Variants in EXOC2 observed in about 807,000 individuals in gnomAD.
The protein encoded by EXOC2 is SEC5-like 1.
A neutral mutation model predicts 131.8 loss-of-function variants in EXOC2; 70 were observed. That is an observed-to-expected ratio of 0.53 (90% CI 0.44 to 0.65). The LOEUF is 0.65. EXOC2 is among the 30% of genes least tolerant of loss of function. The pLI, the probability that EXOC2 is intolerant of heterozygous loss-of-function variation, is 0.00. For missense variants in EXOC2, 923 were observed against 1,108.6 expected (o/e 0.83, Z 2.38); for synonymous variants, 411 against 398.4 (o/e 1.03, Z -0.38).
At chr6:614,982 G>A (rs978012246) in intron 6 of EXOC2, among the ~76,000 whole-genome samples, 19 of 151,890 alleles carry the variant, frequency 1.3e-4, no homozygotes, top group African/African-American at 4.4e-4. Flanking sequence ...AGATATCTCT[G>A]AAGAATCAAT....
intron 27 of EXOC2, 109 bp downstream of exon 27, chr6:488,870 G>A (rs750041032): frequency 4.3e-6 from 5 of 1,164,730 alleles, no homozygotes; most frequent in Non-Finnish European, 4.9e-6. Flanking sequence ...TTCTTATTTG[G>A]ATTCTGCTCT....
rs376478882 is a variant in EXOC2, at chr6:549,169, G to A, written c.2238+6C>T. ...CGACTTGTGCGTTTTACATGAACTC[G>A]CTTACCTGTGTGATTTTTTCTATTC... On this transcript the variant is annotated splice_donor_region_variant and intron_variant, in intron 22 of 27. Transcript: ENST00000230449. The A allele has an allele frequency of 7.5e-6, 12 of 1,608,376 alleles. No individual in the cohort carries two copies. In the African/African-American group the frequency reaches 1.1e-4, roughly 14 times the overall value.
In EXOC2 at chr6:579,156, G is replaced by A. The variant is rs187006125; in HGVS notation, c.1193-2274C>T. On this transcript the variant is annotated intron_variant, in intron 11 of 27. Coordinates refer to ENST00000230449, the MANE Select transcript of EXOC2 (RefSeq NM_018303.6). ...ACACTTCCTAGTTTCCTGAAAATAC[G>A]CATATACCATTCCTGCAAAAATACA... Among the ~76,000 whole-genome samples the A allele has an allele frequency of 2.3e-4, 35 of 152,078 alleles. 1 individual carries two copies. The highest frequency in any genetic ancestry group is 4.3e-4 in the Non-Finnish European group (29 of 67,978).
Position 636,367 on chromosome 6 carries a change from C to A in EXOC2, c.118+1334G>T, listed in dbSNP as rs1444766925. Among the ~76,000 whole-genome samples the A allele has an allele frequency of 2.6e-5, 4 of 152,298 alleles. No individual in the cohort carries two copies. In the Middle Eastern group the frequency reaches 0.01, roughly 389 times the overall value. On this transcript the variant is annotated intron_variant, in intron 2 of 27. Coordinates refer to ENST00000230449, the MANE Select transcript of EXOC2 (RefSeq NM_018303.6). Reference sequence around the variant, plus strand: ...ATTGAAGTGATGTTTACTAAACAATCAAAAACTACCCAGGTTTTCTCCCGA... The same window carrying A: ...ATTGAAGTGATGTTTACTAAACAATAAAAAACTACCCAGGTTTTCTCCCGA...
At chr6:499,745 C>T (rs955924661) in intron 23 of EXOC2, 45 bp from the exon 24 acceptor site, 2 of 1,518,588 alleles carry the variant, frequency 1.3e-6, no homozygotes, top group Admixed American at 3.3e-5. Flanking sequence ...AATAATAACA[C>T]AAGCTCCCCT....
intron 23 of EXOC2, among the ~76,000 whole-genome samples, chr6:522,620 T>C (rs1410274290): frequency 7.1e-6 from 1 of 141,342 alleles, no homozygotes; most frequent in African/African-American, 2.7e-5. Context: ...TCAGGTGAAA[T>C]GATGGTGCAG....
intron 23 of EXOC2, among the ~76,000 whole-genome samples, chr6:507,842 G>A (rs1024066514): frequency 6.6e-6 from 1 of 152,182 alleles, no homozygotes; most frequent in Non-Finnish European, 1.5e-5. Flanking sequence ...AACCTCATTA[G>A]AGAAGGTCGA....
chr6:576,866 G>A lies in EXOC2; in HGVS notation c.1209C>T (p.His403=), dbSNP rs1307681542. The change falls in exon 12 of 28, where the codon CAC becomes CAT. Residue 403 remains histidine, a synonymous_variant. Coordinates refer to ENST00000230449, the MANE Select transcript of EXOC2 (RefSeq NM_018303.6). ...VKDLKGNPGL[H]SPMLDLDNDT... The stretch of plus-strand genomic sequence containing the variant: ...CATTATCAAGATCCAACATGGGACT[G>A]TGCAGGCCTGGGTTACCTGGGGAAG... The A allele has an allele frequency of 6.2e-7, 1 of 1,614,020 alleles. No homozygotes were observed. Among genetic ancestry groups the A allele is most frequent in the East Asian group, 2.2e-5 (1 of 44,876 alleles).
At chr6:504,330 A>T (rs1764402400) in intron 23 of EXOC2, among the ~76,000 whole-genome samples, 1 of 152,232 alleles carries the variant, frequency 6.6e-6, no homozygotes, top group South Asian at 2.1e-4. Flanking sequence ...TGCATCCGTT[A>T]TGGAAGCGGC....
At chr6:640,420 G>GA (rs1333925642) in intron 1 of EXOC2, among the ~76,000 whole-genome samples, 3 of 152,096 alleles carry the variant, frequency 2.0e-5, no homozygotes, top group Admixed American at 6.6e-5. Flanking sequence ...AGACAAACAA[G>GA]AAAAAAACAC....
intron 22 of EXOC2, among the ~76,000 whole-genome samples, chr6:541,225 T>G (rs559478463): frequency 5.3e-4 from 80 of 152,242 alleles, no homozygotes; most frequent in African/African-American, 1.9e-3. Flanking sequence ...AAAATCATAC[T>G]TCTAGCCAAG....
chr6:631,522 C>T (rs772249794), intron 3 of EXOC2, among the ~76,000 whole-genome samples: 26 of 150,914 alleles, frequency 1.7e-4, no homozygotes, highest in Admixed American at 1.5e-3. Context: ...CCAGCATGGG[C>T]GACAGAGCAA....
chr6:637,980 G>C (rs1434788614), intron 1 of EXOC2, 119 bp from the exon 2 acceptor site: 5 of 649,596 alleles, frequency 7.7e-6, no homozygotes, highest in Admixed American at 3.4e-5. Flanking sequence ...ACAGAGTTTT[G>C]AATTTTTTAG....
At chr6:490,008 C>A (rs1379091351) in intron 26 of EXOC2, among the ~76,000 whole-genome samples, 1 of 152,204 alleles carries the variant, frequency 6.6e-6, no homozygotes, top group Non-Finnish European at 1.5e-5. Context: ...CATTCAGCGG[C>A]CTCTTTCCTG....
chr6:549,203 T>C lies in EXOC2; in HGVS notation c.2210A>G (p.Asn737Ser), dbSNP rs777070487. ...TGTGATTTTTTCTATTCCCTGGAAG[T>C]TGTGCTTTTCAAAATGTTCTGCGAT... ...LNIAEHFEKH[N>S]FQGIEKITQV... is the part of the protein sequence containing the mutation. Residue 737 changes from asparagine to serine, a missense_variant, in exon 22 of 28, where the codon AAC becomes AGC. Transcript: ENST00000230449. 1.9e-6 allele frequency: 3 copies of C among 1,614,174 alleles called. No homozygotes were observed. The highest frequency in any genetic ancestry group is 2.5e-6 in the Non-Finnish European group (3 of 1,180,000).
chr6:502,165 G>A (rs939938304), intron 23 of EXOC2, among the ~76,000 whole-genome samples: 5 of 152,158 alleles, frequency 3.3e-5, no homozygotes, highest in African/African-American at 1.2e-4. Flanking sequence ...CATACTTACT[G>A]AAAATCGAAG....
chr6:649,606 G>A (rs1225383030), intron 1 of EXOC2, among the ~76,000 whole-genome samples: 2 of 152,216 alleles, frequency 1.3e-5, no homozygotes, highest in South Asian at 4.1e-4. Context: ...GGGATAACCA[G>A]AACTAGGAGG....
rs147854260 is a variant in EXOC2 at position 572,589 on chromosome 6, G to A, written c.1374C>T (p.Leu458=). 5.3e-4 allele frequency: 857 copies of A among 1,614,142 alleles called. No individual in the cohort carries two copies. The highest frequency in any genetic ancestry group is 6.6e-4 in the Non-Finnish European group (781 of 1,180,020). Residue 458 remains leucine, a synonymous_variant, in exon 13 of 28, where the codon CTC becomes CTT. Transcript: ENST00000230449. The part of the protein sequence containing the change: ...RVAFVEKLTK[L]VLSQLPNFWK... ...AGAAGTTAGGCAGCTGGCTCAAGACGAGTTTTGTCAATTTTTCAACAAAGG... is the reference window on the plus strand; with the variant it reads ...AGAAGTTAGGCAGCTGGCTCAAGACAAGTTTTGTCAATTTTTCAACAAAGG...
At chr6:487,368 T>C (rs750617092) in intron 27 of EXOC2, among the ~76,000 whole-genome samples, 1 of 152,332 alleles carries the variant, frequency 6.6e-6, no homozygotes, top group Non-Finnish European at 1.5e-5. Flanking sequence ...CTGCCTGATA[T>C]CGCAATCTGT....
Sources: allele counts gnomAD v4.1 joint callset (sites outside exome capture counted in the v4.1 genomes callset), GRCh38; gene constraint gnomAD v4.1.1; transcripts MANE v1.5; gene names NCBI Gene and HGNC (gene_info 2026-07-23, HGNC 2026-07-21).